Variants in TMC8 observed in about 807,000 individuals in gnomAD.
The protein encoded by TMC8 is transmembrane channel like 8, also known as transmembrane channel-like protein 8.
A neutral mutation model predicts 76.0 loss-of-function variants in TMC8; 71 were observed. That is an observed-to-expected ratio of 0.93 (90% CI 0.77 to 1.14). The LOEUF (loss-of-function observed/expected upper bound fraction) is 1.14, where lower values mean the gene tolerates loss of function less well. Among genes scored for constraint, TMC8 ranks in the 50% most tolerant of loss-of-function variants. The pLI is 0.00. For synonymous variants in TMC8, 433 were observed against 433.8 expected (o/e 1.00, Z 0.02); for missense variants, 924 against 947.9 (o/e 0.97, Z 0.33).
intron 9 of TMC8, 75 bp from the exon 10 acceptor site, chr17:78,137,160 C>G: frequency 6.3e-7 from 1 of 1,596,806 alleles, no homozygotes; most frequent in Non-Finnish European, 8.5e-7. Context: ...CGGACATCAG[C>G]CACACCTATA....
In TMC8 at chr17:78,131,728, G is replaced by A; in HGVS notation, c.140G>A (p.Arg47His). The change falls in exon 2 of 16, where the codon CGC (arginine) becomes CAC (histidine). Residue 47 changes from arginine to histidine, a missense_variant. Arg to His is a conservative substitution (Grantham distance 29). Transcript: ENST00000318430. ...RGLPYAMMDK[R>H]LIWQLREPAG... ...CTGCCCTATGCCATGATGGACAAGCGCCTCATCTGGTGGGTGCCACGCGGG... is the reference window on the plus strand; with the variant it reads ...CTGCCCTATGCCATGATGGACAAGCACCTCATCTGGTGGGTGCCACGCGGG... The A allele has an allele frequency of 6.3e-7, 1 of 1,583,676 alleles. No homozygotes were observed. Among genetic ancestry groups the A allele is most frequent in the Non-Finnish European group, 8.6e-7 (1 of 1,167,110 alleles).
At chr17:78,135,469 G>A (rs921544714) in intron 9 of TMC8, among the ~76,000 whole-genome samples, 6 of 152,100 alleles carry the variant, frequency 3.9e-5, no homozygotes, top group African/African-American at 7.2e-5. Flanking sequence ...CAAGCTCATC[G>A]TGCCTGCCAG....
intron 5 of TMC8, 30 bp from the exon 6 acceptor site, chr17:78,133,376 C>T (rs370590732): frequency 2.4e-5 from 38 of 1,613,416 alleles, no homozygotes; most frequent in South Asian, 8.8e-5. Context: ...GGTGCTCACC[C>T]GGGCTGGGTA....
chr17:78,132,216 T>C (rs2145588998), intron 3 of TMC8, 143 bp from the exon 4 acceptor site: 1 of 1,372,828 alleles, frequency 7.3e-7, no homozygotes, highest in East Asian at 2.5e-5. Flanking sequence ...CACCCCCAGG[T>C]GACTGTCAGC....
rs753655863 is a variant in TMC8 at position 78,131,544 on chromosome 17, C to G, written c.-45C>G. On this transcript the variant is annotated 5_prime_UTR_variant, in exon 2 of 16. Coordinates refer to ENST00000318430, the MANE Select transcript of TMC8 (RefSeq NM_152468.5). ...CATCCAACCGGGGACTCATATCCCC[C>G]CCACCGGCAGCCCGGCGCCCCAGCC... The G allele has an allele frequency of 6.5e-6, 10 of 1,537,000 alleles. 1 individual carries two copies. In the South Asian group the frequency reaches 7.1e-5, roughly 11 times the overall value.
Position 78,131,372 on chromosome 17 carries a change from C to A in TMC8, c.-217C>A. On this transcript the variant is annotated 5_prime_UTR_variant, in exon 2 of 16. In the 5' UTR this introduces an upstream ATG that the reference lacks. Transcript: ENST00000318430. ...ACCGCAGCAGGATTCTCTCTCATTTCTGAGCCCCGGAGGTGGCAGAGCGGC... is the reference window on the plus strand; with the variant it reads ...ACCGCAGCAGGATTCTCTCTCATTTATGAGCCCCGGAGGTGGCAGAGCGGC... 8 of 641,438 alleles carry A rather than the reference C, an allele frequency of 1.2e-5. No individual in the cohort carries two copies. Among genetic ancestry groups the A allele is most frequent in the South Asian group, 1.9e-5 (1 of 52,546 alleles). The allele number at this position is 641,438 out of a possible 1,614,324, so 39.7% of individuals were successfully genotyped here. A position where few individuals can be genotyped will look rare whatever the true frequency, so the allele number is the denominator to read the frequency against.
In TMC8 at chr17:78,140,078, T is replaced by C. The variant is rs4789539; in HGVS notation, c.1903-756T>C. ...AAAAGGATAACATGGCTGAGTGCAG[T>C]GGCTCACGCCGAGGCGTGAAGAGTG... is the stretch of plus-strand genomic sequence containing the variant. On this transcript the variant is annotated intron_variant, in intron 15 of 15. Coordinates refer to ENST00000318430, the MANE Select transcript of TMC8 (RefSeq NM_152468.5). Among the ~76,000 whole-genome samples, 1,280 of 152,276 alleles carry C rather than the reference T, an allele frequency of 8.4e-3. 20 individuals carry two copies. The highest frequency in any genetic ancestry group is 0.029 in the Admixed American group (450 of 15,300).
chr17:78,133,526 T>C lies in TMC8; in HGVS notation c.652T>C (p.Cys218Arg), dbSNP rs368858197. Reference sequence around the variant, plus strand: ...GCTGGCCTGCCTGCTCCTCTGCTTCTGTGGGACTCTGCGGCGGTGAGAGCG... The same window carrying C: ...GCTGGCCTGCCTGCTCCTCTGCTTCCGTGGGACTCTGCGGCGGTGAGAGCG... ...SPLACLLLCF[C>R]GTLRRMVKGL... Residue 218 changes from cysteine to arginine, a missense_variant, in exon 6 of 16, where the codon TGT (cysteine) becomes CGT (arginine). By Grantham distance (180) the Cys-to-Arg change is radical (BLOSUM62 -3). Transcript: ENST00000318430. 1.9e-6 allele frequency: 3 copies of C among 1,612,770 alleles called. No individual in the cohort carries two copies. The highest frequency in any genetic ancestry group is 2.5e-6 in the Non-Finnish European group (3 of 1,180,014).
At chr17:78,138,234 G>A (rs777459965) in intron 12 of TMC8, 46 bp downstream of exon 12, 2 of 1,613,206 alleles carry the variant, frequency 1.2e-6, no homozygotes, top group African/African-American at 1.3e-5. Context: ...CCTCTGGGTG[G>A]ATGCCTTGAG....
intron 9 of TMC8, among the ~76,000 whole-genome samples, chr17:78,135,374 G>A (rs899333024): frequency 1.3e-5 from 2 of 152,160 alleles, no homozygotes; most frequent in African/African-American, 2.4e-5. Flanking sequence ...CAACCCTCAC[G>A]TGACCCGTGA....
Position 78,139,212 on chromosome 17 carries a change from T to C in TMC8, c.1874T>C (p.Ile625Thr), listed in dbSNP as rs2075312809. 1 of 1,613,646 alleles carries C rather than the reference T, an allele frequency of 6.2e-7. No homozygotes were observed. The highest frequency in any genetic ancestry group is 8.5e-7 in the Non-Finnish European group (1 of 1,180,024). Residue 625 changes from isoleucine (I) to threonine (T), a missense_variant, in exon 15 of 16, where the codon ATC becomes ACC. Ile to Thr is a moderately conservative substitution (Grantham distance 89). Transcript: ENST00000318430. ...CAGACCCAGGCCAATGCCAGGGCCA[T>C]CCACAGGCTCCGGAAGCAGCTGGTG... ...VSQTQANARA[I>T]HRLRKQLVWQ... is the part of the protein sequence containing the mutation.
chr17:78,134,918 C>G lies in TMC8; in HGVS notation c.1036C>G (p.Leu346Val). 6.2e-7 allele frequency: 1 copy of G among 1,614,174 alleles called. No homozygotes were observed. ...GTACCTGCCCCCTGGGGTCATCGCCCTGGTCAACTTCCTGGGTCCCCTGCT... is the reference window on the plus strand; with the variant it reads ...GTACCTGCCCCCTGGGGTCATCGCCGTGGTCAACTTCCTGGGTCCCCTGCT... Reference protein sequence around the residue: ...LQYLPPGVIALVNFLGPLLFT... With the variant: ...LQYLPPGVIAVVNFLGPLLFT... The change falls in exon 9 of 16, where the codon CTG becomes GTG. Residue 346 changes from leucine to valine, a missense_variant. By Grantham distance (32) the Leu-to-Val change is conservative. Coordinates refer to ENST00000318430, the MANE Select transcript of TMC8 (RefSeq NM_152468.5).
chr17:78,134,442 CG>C lies in TMC8; in HGVS notation c.868del (p.Ala290ProfsTer85). The C allele has an allele frequency of 6.2e-7, 1 of 1,613,616 alleles. No homozygotes were observed. ...CTTCCAGCTGATGCAGCAGCAGACC[CG>C]GGCCCAGACGGCCTGCCGCCTGCTC... The part of the protein sequence containing the change: ...RRFQLMQQQT[R>X]AQTACRLLSY... On this transcript the variant is annotated frameshift_variant, in exon 8 of 16. Transcript: ENST00000318430. LOFTEE classifies it high-confidence loss of function.
chr17:78,139,155 A>T lies in TMC8; in HGVS notation c.1824-7A>T, dbSNP rs1598925455. On this transcript the variant is annotated splice_region_variant and splice_polypyrimidine_tract_variant and intron_variant, in intron 14 of 15. Coordinates refer to ENST00000318430, the MANE Select transcript of TMC8 (RefSeq NM_152468.5). ...GCAACTGACCACGAATCCCCTTCCCACCCAAGCCTTGTCCTGACGGTGTGC... is the reference window on the plus strand; with the variant it reads ...GCAACTGACCACGAATCCCCTTCCCTCCCAAGCCTTGTCCTGACGGTGTGC... The T allele has an allele frequency of 6.2e-7, 1 of 1,613,360 alleles. No individual in the cohort carries two copies. Among genetic ancestry groups the T allele is most frequent in the African/African-American group, 1.3e-5 (1 of 74,908 alleles).
intron 15 of TMC8, among the ~76,000 whole-genome samples, chr17:78,139,728 TAAAAAAAAA>T (rs34917993): frequency 3.2e-5 from 2 of 62,768 alleles, no homozygotes; most frequent in African/African-American, 1.3e-4. Flanking sequence ...CGTCTCTACT[TAAAAAAAAA>T]AAAAAAAAAA....
At chr17:78,136,028 T>C (rs111843410) in intron 9 of TMC8, among the ~76,000 whole-genome samples, 40,247 of 152,094 alleles carry the variant, frequency 0.26, 5,888 homozygotes, top group Middle Eastern at 0.35. Flanking sequence ...CACTCCAGCC[T>C]GGGTGACAGA....
chr17:78,131,693 C>G lies in TMC8; in HGVS notation c.105C>G (p.Pro35=), dbSNP rs760986305. The change falls in exon 2 of 16, where the codon CCC becomes CCG. Residue 35 remains proline (P), a synonymous_variant. Transcript: ENST00000318430. ...EMERLRGSGT[P]VRGLPYAMMD... is the part of the protein sequence containing the mutation. ...AGCGGCTGCGCGGCTCTGGGACGCC[C>G]GTGCGCGGGCTGCCCTATGCCATGA... 1.3e-5 allele frequency: 20 copies of G among 1,578,870 alleles called. No individual in the cohort carries two copies. The African/African-American group carries it at 2.2e-4, about 17-fold the overall frequency.
intron 9 of TMC8, 61 bp from the exon 10 acceptor site, chr17:78,137,173 CT>C: frequency 6.2e-7 from 1 of 1,606,682 alleles, no homozygotes; most frequent in Non-Finnish European, 8.5e-7. Flanking sequence ...CACCTATAGC[CT>C]GGGTAGAGCC....
rs182244372 is a variant in TMC8 at position 78,138,894 on chromosome 17, G to C, written c.1823+162G>C. The C allele has an allele frequency of 1.9e-4, 288 of 1,536,728 alleles. 1 individual carries two copies. The East Asian group carries it at 6.3e-3, about 34-fold the overall frequency. On this transcript the variant is annotated intron_variant, in intron 14 of 15. Transcript: ENST00000318430. ...CAGGAACCTCCTGGGCCCACCCTCT[G>C]GGCTGCCATGGGGATTGCAGGATCA...
Sources: allele counts gnomAD v4.1 joint callset (sites outside exome capture counted in the v4.1 genomes callset), GRCh38; gene constraint gnomAD v4.1.1; transcripts MANE v1.5; gene names NCBI Gene and HGNC (gene_info 2026-07-23, HGNC 2026-07-21).